The following JAKMIP2 variants were observed in gnomAD, a reference collection of about 807,000 sequenced individuals.
JAKMIP2 encodes janus kinase and microtubule interacting protein 2, also known as janus kinase and microtubule-interacting protein 2.
A neutral mutation model predicts 115.0 loss-of-function variants in JAKMIP2; 25 were observed. That is an observed-to-expected ratio of 0.22 (90% CI 0.16 to 0.30). The LOEUF (loss-of-function observed/expected upper bound fraction) is 0.30. JAKMIP2 is among the 10% of genes least tolerant of loss of function. The pLI, the probability that JAKMIP2 is intolerant of heterozygous loss-of-function variation, is 1.00. For missense variants in JAKMIP2, 642 were observed against 957.6 expected (o/e 0.67, Z 4.35); for synonymous variants, 334 against 343.6 (o/e 0.97, Z 0.31).
intron 3 of JAKMIP2, chr5:147,660,722 A>G: frequency 1.8e-6 from 1 of 541,492 alleles, no homozygotes; most frequent in Non-Finnish European, 3.3e-6. Context: ...GAGAAAGGTG[A>G]TTTCCAAAAT....
intron 1 of JAKMIP2, among the ~76,000 whole-genome samples, chr5:147,765,892 T>C (rs1208944453): frequency 1.3e-5 from 2 of 152,172 alleles, no homozygotes; most frequent in Non-Finnish European, 2.9e-5. Context: ...TTTGAGTTCA[T>C]TGCCATTTTT....
intron 11 of JAKMIP2, 110 bp downstream of exon 11, chr5:147,636,855 A>G (rs1020825145): frequency 1.3e-6 from 1 of 794,142 alleles, no homozygotes; most frequent in Non-Finnish European, 2.3e-6. Context: ...GAGAAAGATC[A>G]CTGTGGAGAG....
intron 13 of JAKMIP2, among the ~76,000 whole-genome samples, chr5:147,632,077 G>C (rs750812324): frequency 2.0e-5 from 3 of 152,050 alleles, no homozygotes; most frequent in Non-Finnish European, 4.4e-5. Flanking sequence ...GATTCTGCAG[G>C]ATACAATCAA....
intron 1 of JAKMIP2, among the ~76,000 whole-genome samples, chr5:147,678,303 C>T (rs927243332): frequency 6.6e-6 from 1 of 152,100 alleles, no homozygotes; most frequent in Admixed American, 6.6e-5. Context: ...CGCCTGGCTA[C>T]CCCCTGGCCC....
intron 1 of JAKMIP2, among the ~76,000 whole-genome samples, chr5:147,755,177 A>T (rs953065525): frequency 1.3e-5 from 2 of 152,212 alleles, no homozygotes; most frequent in African/African-American, 2.4e-5. Context: ...TGGCAAATCT[A>T]CTAGGAGGTT....
intron 12 of JAKMIP2, among the ~76,000 whole-genome samples, chr5:147,635,189 T>C (rs1459061899): frequency 6.6e-6 from 1 of 151,872 alleles, no homozygotes; most frequent in Non-Finnish European, 1.5e-5. Flanking sequence ...AAAAAAAAAA[T>C]TATTTTGAAA....
At chr5:147,684,314 C>T (rs1001447238) in intron 1 of JAKMIP2, among the ~76,000 whole-genome samples, 5 of 152,012 alleles carry the variant, frequency 3.3e-5, no homozygotes, top group African/African-American at 1.2e-4. Context: ...CACACACACA[C>T]ACACACACAC....
At chr5:147,655,127 A>T (rs4489050) in intron 3 of JAKMIP2, among the ~76,000 whole-genome samples, 1 of 151,896 alleles carries the variant, frequency 6.6e-6, no homozygotes, top group African/African-American at 2.4e-5. Flanking sequence ...GAGAATTTTC[A>T]CATCGATGTT....
intron 2 of JAKMIP2, among the ~76,000 whole-genome samples, chr5:147,662,995 G>GAA (rs140604834): frequency 4.1e-5 from 6 of 145,556 alleles, no homozygotes; most frequent in South Asian, 2.2e-4. Flanking sequence ...CAAAAAAGAA[G>GAA]AAAAAAAAAA....
At chr5:147,770,988 G>C (rs1328990094) in intron 1 of JAKMIP2, among the ~76,000 whole-genome samples, 3 of 151,936 alleles carry the variant, frequency 2.0e-5, no homozygotes, top group Admixed American at 2.0e-4. Flanking sequence ...TTTTTTCACT[G>C]AGGAAAGTGT....
intron 20 of JAKMIP2, among the ~76,000 whole-genome samples, chr5:147,611,028 C>T (rs1014911555): frequency 1.3e-5 from 2 of 152,140 alleles, no homozygotes; most frequent in Non-Finnish European, 2.9e-5. Context: ...GAGAATGCCC[C>T]TCCCCCCACC....
At chr5:147,698,823 G>C (rs1454363495) in intron 1 of JAKMIP2, among the ~76,000 whole-genome samples, 1 of 152,162 alleles carries the variant, frequency 6.6e-6, no homozygotes, top group African/African-American at 2.4e-5. Context: ...ATAGCAGCAT[G>C]AGAATGGACT....
At chr5:147,627,513 G>A (rs1486001020) in intron 16 of JAKMIP2, among the ~76,000 whole-genome samples, 1 of 151,992 alleles carries the variant, frequency 6.6e-6, no homozygotes, top group Non-Finnish European at 1.5e-5. Flanking sequence ...TGGACCTTCT[G>A]TTAGAGATAA....
chr5:147,636,340 G>T, intron 11 of JAKMIP2, 56 bp from the exon 12 acceptor site: 1 of 1,463,692 alleles, frequency 6.8e-7, no homozygotes, highest in Non-Finnish European at 9.5e-7. Flanking sequence ...GAAAGAGCCT[G>T]TGTTGTCAAA....
chr5:147,692,138 G>A (rs1751887956), intron 1 of JAKMIP2, among the ~76,000 whole-genome samples: 1 of 152,180 alleles, frequency 6.6e-6, no homozygotes, highest in Non-Finnish European at 1.5e-5. Context: ...CAAGATGACT[G>A]ATGTCCTTTT....
In JAKMIP2 at chr5:147,684,258, T is replaced by C. The variant is rs978788977; in HGVS notation, c.-148-12304A>G. Among the ~76,000 whole-genome samples, 37 of 151,634 alleles carry C rather than the reference T, an allele frequency of 2.4e-4. 1 individual carries two copies. The highest frequency in any genetic ancestry group is 2.9e-5 in the Non-Finnish European group (2 of 67,928). On this transcript the variant is annotated intron_variant, in intron 1 of 21. Transcript: ENST00000616793. The stretch of plus-strand genomic sequence containing the variant: ...GTAGAGTTAAAGATAATACAATATG[T>C]ATCTACCAAAAAAGCCTGCATATTC...
At chr5:147,771,958 T>C (rs1163363789) in intron 1 of JAKMIP2, among the ~76,000 whole-genome samples, 1 of 152,188 alleles carries the variant, frequency 6.6e-6, no homozygotes, top group East Asian at 1.9e-4. Context: ...GAAAAATCTC[T>C]TGGTTTATTT....
intron 1 of JAKMIP2, among the ~76,000 whole-genome samples, chr5:147,691,807 T>C (rs1751872739): frequency 6.6e-6 from 1 of 152,170 alleles, no homozygotes; most frequent in Admixed American, 6.6e-5. Context: ...GGGGAGTCTG[T>C]GCATGGGAGC....
intron 3 of JAKMIP2, among the ~76,000 whole-genome samples, chr5:147,651,559 A>C (rs923130230): frequency 6.7e-6 from 1 of 148,296 alleles, no homozygotes; most frequent in African/African-American, 2.5e-5. Flanking sequence ...GCTTTTTCTA[A>C]AAGTGTCTCC....
Sources: allele counts gnomAD v4.1 joint callset (sites outside exome capture counted in the v4.1 genomes callset), GRCh38; gene constraint gnomAD v4.1.1; transcripts MANE v1.5; gene names NCBI Gene and HGNC (gene_info 2026-07-23, HGNC 2026-07-21).